Variants in ATP10A observed in about 807,000 individuals in gnomAD.
ATP10A encodes the protein phospholipid-transporting ATPase VA.
In ATP10A, 111 loss-of-function variants were observed where a neutral mutation model predicts 147.8. The ratio of observed to expected loss-of-function variants is 0.75; its 90% CI spans 0.64 to 0.88. ATP10A has a LOEUF of 0.88. ATP10A is among the 40% of genes least tolerant of loss of function. The pLI is 0.00. For synonymous variants in ATP10A, 875 were observed against 841.6 expected (o/e 1.04, Z -0.69); for missense variants, 1,927 against 1,959.0 (o/e 0.98, Z 0.31).
At chr15:25,678,190 T>C (rs903782568), downstream of ATP10A, 2 of 151,996 alleles carry the variant, frequency 1.3e-5, no homozygotes, top group African/African-American at 4.8e-5. Flanking sequence ...TCATGGCTCA[T>C]TGCAGAATGA....
Position 25,713,885 on chromosome 15 carries a change from G to C in ATP10A, c.2133C>G (p.Asn711Lys), listed in dbSNP as rs146538246. ...AALVYAARAYNCVLVERLHDQ... is the reference protein window; with the variant it reads ...AALVYAARAYKCVLVERLHDQ... ...CGTGCAGCCGCTCCACAAGCACGCAGTTGTAGGCTCTGGCCGCATACACCA... is the reference window on the plus strand; with the variant it reads ...CGTGCAGCCGCTCCACAAGCACGCACTTGTAGGCTCTGGCCGCATACACCA... Residue 711 changes from asparagine to lysine, a missense_variant, in exon 10 of 21, where the codon AAC (asparagine) becomes AAG (lysine). Transcript: ENST00000555815. 85 of 1,613,778 alleles carry C rather than the reference G, an allele frequency of 5.3e-5. No homozygotes were observed. In the African/African-American group the frequency reaches 9.3e-4, roughly 18 times the overall value.
At chr15:25,755,709 A>C (rs1456876009) in intron 2 of ATP10A, among the ~76,000 whole-genome samples, 1 of 152,234 alleles carries the variant, frequency 6.6e-6, no homozygotes, top group African/African-American at 2.4e-5. Flanking sequence ...GGGAAGCTTC[A>C]GGAGACTTCT....
intron 3 of ATP10A, among the ~76,000 whole-genome samples, chr15:25,734,149 T>A (rs772613473): frequency 7.9e-5 from 12 of 152,206 alleles, no homozygotes; most frequent in East Asian, 5.8e-4. Flanking sequence ...ACAATGCTCC[T>A]CCCGTCTCCT....
In ATP10A at chr15:25,717,139, G is replaced by A. The variant is rs181154426; in HGVS notation, c.1582-215C>T. Among the ~76,000 whole-genome samples the A allele has an allele frequency of 3.0e-3, 461 of 152,284 alleles. 4 individuals carry two copies. Among genetic ancestry groups the A allele is most frequent in the African/African-American group, 0.011 (442 of 41,550 alleles). On this transcript the variant is annotated intron_variant, in intron 8 of 20. Coordinates refer to ENST00000555815, the MANE Select transcript of ATP10A (RefSeq NM_024490.4). ...TCCACTTTGTGAAAACCATGCTTCAGCATTGCCCTCTAGTCTTTTCGCTCT... is the reference window on the plus strand; with the variant it reads ...TCCACTTTGTGAAAACCATGCTTCAACATTGCCCTCTAGTCTTTTCGCTCT...
At chr15:25,770,455 G>A (rs1265002719) in intron 2 of ATP10A, among the ~76,000 whole-genome samples, 1 of 152,160 alleles carries the variant, frequency 6.6e-6, no homozygotes, top group Non-Finnish European at 1.5e-5. Context: ...TGGCTCCTTT[G>A]CTAAATGGGA....
At chr15:25,845,606 C>T (rs1428064558) in intron 1 of ATP10A, among the ~76,000 whole-genome samples, 4 of 152,134 alleles carry the variant, frequency 2.6e-5, no homozygotes, top group Non-Finnish European at 4.4e-5. Context: ...TCCTGGGCTC[C>T]CTGGCCAAAG....
At chr15:25,694,094 C>T (rs1005499290) in intron 14 of ATP10A, among the ~76,000 whole-genome samples, 2 of 151,874 alleles carry the variant, frequency 1.3e-5, no homozygotes, top group African/African-American at 2.4e-5. Flanking sequence ...TGCTGCTGAG[C>T]CCCTGAACCT....
At chr15:25,728,387 A>C (rs1317775228) in intron 3 of ATP10A, among the ~76,000 whole-genome samples, 2 of 152,232 alleles carry the variant, frequency 1.3e-5, no homozygotes, top group Non-Finnish European at 2.9e-5. Flanking sequence ...GGGGCCACTC[A>C]AGGGCCGTTC....
intron 17 of ATP10A, among the ~76,000 whole-genome samples, chr15:25,682,855 C>T (rs1298011137): frequency 1.3e-5 from 2 of 152,218 alleles, no homozygotes; most frequent in Non-Finnish European, 2.9e-5. Flanking sequence ...AGCTGGTCAT[C>T]AGTGTGTGAA....
chr15:25,831,270 TAC>T (rs1256459499), intron 1 of ATP10A, among the ~76,000 whole-genome samples: 5 of 152,234 alleles, frequency 3.3e-5, no homozygotes. Context: ...CCGCTGCAAT[TAC>T]ACATTGTTGG....
chr15:25,686,045 A>C (rs1274862344), intron 16 of ATP10A, among the ~76,000 whole-genome samples: 1 of 152,142 alleles, frequency 6.6e-6, no homozygotes, highest in African/African-American at 2.4e-5. Flanking sequence ...TGAGCCGGCA[A>C]GCCCAGGAGT....
At chr15:25,796,508 G>A (rs1422290584) in intron 1 of ATP10A, among the ~76,000 whole-genome samples, 1 of 152,268 alleles carries the variant, frequency 6.6e-6, no homozygotes, top group East Asian at 1.9e-4. Context: ...CATGCATGCA[G>A]CAATGCCCGA....
intron 2 of ATP10A, among the ~76,000 whole-genome samples, chr15:25,778,721 A>G (rs1034832581): frequency 6.6e-6 from 1 of 152,150 alleles, no homozygotes; most frequent in Non-Finnish European, 1.5e-5. Context: ...GCCGTCCTCG[A>G]GTTTCAAACA....
intron 4 of ATP10A, 151 bp from the exon 5 acceptor site, chr15:25,726,233 T>C: frequency 1.3e-6 from 1 of 767,352 alleles, no homozygotes; most frequent in East Asian, 2.7e-5. Flanking sequence ...TTAATCTTAC[T>C]TCCTGTTGAA....
chr15:25,685,379 G>C (rs913385888), intron 16 of ATP10A, among the ~76,000 whole-genome samples: 1 of 152,166 alleles, frequency 6.6e-6, no homozygotes, highest in African/African-American at 2.4e-5. Context: ...CAGGCAGGAG[G>C]CTGTGCCCGT....
At chr15:25,757,547 T>C (rs573640195) in intron 2 of ATP10A, among the ~76,000 whole-genome samples, 10 of 152,080 alleles carry the variant, frequency 6.6e-5, no homozygotes, top group East Asian at 3.9e-4. Flanking sequence ...CTTCAAAATA[T>C]AGATTTAAGG....
intron 1 of ATP10A, among the ~76,000 whole-genome samples, chr15:25,833,042 G>C (rs1299659733): frequency 2.0e-5 from 3 of 149,272 alleles, no homozygotes; most frequent in African/African-American, 7.4e-5. Context: ...GAGTGCAGTG[G>C]TGTGATCTCG....
chr15:25,834,129 T>G (rs1892490981), intron 1 of ATP10A, among the ~76,000 whole-genome samples: 1 of 152,172 alleles, frequency 6.6e-6, no homozygotes, highest in South Asian at 2.1e-4. Context: ...TTTCAAAACA[T>G]CATGTTTTAC....
chr15:25,729,404 T>C (rs578249698), intron 3 of ATP10A, among the ~76,000 whole-genome samples: 7 of 152,252 alleles, frequency 4.6e-5, no homozygotes, highest in African/African-American at 1.2e-4. Flanking sequence ...CCCTCTTCTG[T>C]ATATCTCCAT....
Sources: gnomAD v4.1 joint callset for allele counts (sites outside exome capture counted in the v4.1 genomes callset) on GRCh38, gnomAD v4.1.1 for gene constraint, MANE v1.5 for transcripts, NCBI Gene and HGNC (gene_info 2026-07-23, HGNC 2026-07-21) for gene names.